Variants in EBF1 observed in about 807,000 individuals in gnomAD.
EBF1 encodes the protein transcription factor COE1.
A neutral mutation model predicts 68.4 loss-of-function variants in EBF1; 10 were observed. That is an observed-to-expected ratio of 0.15 (90% confidence interval 0.09 to 0.25). The LOEUF is 0.25. Among genes scored for constraint, EBF1 ranks in the 10% least tolerant of loss-of-function variants. The pLI, the probability that EBF1 is intolerant of heterozygous loss-of-function variation, is 1.00. For missense variants in EBF1, 509 were observed against 794.4 expected, an observed-to-expected ratio of 0.64 and a Z score of 4.32; for synonymous variants, 298 against 299.8, an observed-to-expected ratio of 0.99 and a Z score of 0.06.
chr5:159,091,896 G>A (rs1342105601), intron 4 of EBF1, among the ~76,000 whole-genome samples: 1 of 152,102 alleles, frequency 6.6e-6, no homozygotes, highest in African/African-American at 2.4e-5. Flanking sequence ...ACGATTTCCT[G>A]CTTCTCAAGC....
chr5:158,918,905 G>C (rs1394913250), intron 6 of EBF1, among the ~76,000 whole-genome samples: 1 of 152,246 alleles, frequency 6.6e-6, no homozygotes, highest in African/African-American at 2.4e-5. Context: ...TTTAGGTTAA[G>C]GGAGGGCTTA....
intron 6 of EBF1, among the ~76,000 whole-genome samples, chr5:158,948,516 G>T (rs928261847): frequency 1.3e-5 from 2 of 152,186 alleles, no homozygotes; most frequent in Non-Finnish European, 2.9e-5. Context: ...CTGGGATTAA[G>T]CATGGCCTAG....
intron 6 of EBF1, among the ~76,000 whole-genome samples, chr5:158,908,859 C>T (rs1805250003): frequency 6.6e-6 from 1 of 152,296 alleles, no homozygotes; most frequent in South Asian, 2.1e-4. Context: ...GCCTTCCTCC[C>T]CTTGAATAAA....
chr5:158,920,475 T>G (rs1808165931), intron 6 of EBF1, among the ~76,000 whole-genome samples: 1 of 152,258 alleles, frequency 6.6e-6, no homozygotes, highest in Non-Finnish European at 1.5e-5. Context: ...ACCTCTGCTT[T>G]GTACCTACTG....
intron 8 of EBF1, among the ~76,000 whole-genome samples, chr5:158,802,450 C>T (rs1244312616): frequency 6.6e-6 from 1 of 152,056 alleles, no homozygotes; most frequent in South Asian, 2.1e-4. Context: ...ATTCCCATTA[C>T]ATATGGTGTA....
intron 6 of EBF1, among the ~76,000 whole-genome samples, chr5:159,053,603 TCTCACA>T (rs921380681): frequency 1.4e-5 from 2 of 145,252 alleles, no homozygotes; most frequent in African/African-American, 2.7e-5. Context: ...TCTCTCTCTC[TCTCACA>T]CACACACACA....
In EBF1 at chr5:158,789,312, A is replaced by G. The variant is rs368891452; in HGVS notation, c.909+7033T>C. ...CTCAATATATGTAAAATAAATGGAC[A>G]CAACTATTTACATTGTATTACATTT... On this transcript the variant is annotated intron_variant, in intron 9 of 15. Coordinates refer to ENST00000313708, the MANE Select transcript of EBF1 (RefSeq NM_024007.5). Among the ~76,000 whole-genome samples the G allele has an allele frequency of 1.2e-4, 19 of 152,334 alleles. No homozygotes were observed. The East Asian group carries it at 1.3e-3, about 11-fold the overall frequency.
intron 6 of EBF1, among the ~76,000 whole-genome samples, chr5:159,034,241 A>T (rs1233782805): frequency 6.6e-6 from 1 of 152,214 alleles, no homozygotes; most frequent in Non-Finnish European, 1.5e-5. Context: ...TCAAGAAACA[A>T]AGATACAGGC....
chr5:159,022,202 G>T (rs1766849414), intron 6 of EBF1, among the ~76,000 whole-genome samples: 1 of 152,104 alleles, frequency 6.6e-6, no homozygotes. Flanking sequence ...TCTCTTCAAA[G>T]GATTTATTTT....
chr5:158,835,675 AT>A (rs1366847888), intron 7 of EBF1, among the ~76,000 whole-genome samples: 3 of 151,426 alleles, frequency 2.0e-5, no homozygotes, highest in African/African-American at 4.9e-5. Context: ...ACTATGGACA[AT>A]TTTTTTTTGT....
chr5:158,859,373 AT>A (rs1343190515), intron 6 of EBF1, among the ~76,000 whole-genome samples: 1 of 152,126 alleles, frequency 6.6e-6, no homozygotes, highest in Non-Finnish European at 1.5e-5. Flanking sequence ...CCCTCTCCCC[AT>A]AAGACTTCCC....
intron 10 of EBF1, among the ~76,000 whole-genome samples, chr5:158,737,319 C>A (rs1177207368): frequency 8.3e-6 from 1 of 121,048 alleles, no homozygotes; most frequent in Non-Finnish European, 1.6e-5. Flanking sequence ...AGTCTCGCTC[C>A]GTCGCCCAGG....
intron 6 of EBF1, among the ~76,000 whole-genome samples, chr5:158,998,105 T>C (rs991040375): frequency 3.3e-5 from 5 of 152,192 alleles, no homozygotes; most frequent in African/African-American, 1.2e-4. Context: ...CTTTTTTCCA[T>C]GCTCCCAATG....
intron 6 of EBF1, among the ~76,000 whole-genome samples, chr5:158,938,218 C>T (rs1241933630): frequency 6.6e-6 from 1 of 152,156 alleles, no homozygotes; most frequent in Non-Finnish European, 1.5e-5. Context: ...TTTAACATAG[C>T]CTCTGAATTA....
chr5:158,791,097 G>A (rs1007556771), intron 9 of EBF1, among the ~76,000 whole-genome samples: 10 of 152,054 alleles, frequency 6.6e-5, no homozygotes, highest in African/African-American at 2.4e-4. Flanking sequence ...GAGGCGGGCA[G>A]ATCACGATGT....
chr5:158,975,890 CCATCCTCT>C (rs1756642056), intron 6 of EBF1, among the ~76,000 whole-genome samples: 1 of 152,184 alleles, frequency 6.6e-6, no homozygotes, highest in Non-Finnish European at 1.5e-5. Flanking sequence ...AAGCACGCCC[CCATCCTCT>C]CATTGGAGAT....
At chr5:158,721,477 T>G (rs1761924737) in intron 11 of EBF1, among the ~76,000 whole-genome samples, 2 of 152,170 alleles carry the variant, frequency 1.3e-5, no homozygotes, top group Non-Finnish European at 2.9e-5. Context: ...TGAGTTGCAG[T>G]TAATACCACT....
Position 158,926,222 on chromosome 5 carries a change from A to G in EBF1, c.555-86112T>C, listed in dbSNP as rs75089951. On this transcript the variant is annotated intron_variant, in intron 6 of 15. Coordinates refer to ENST00000313708, the MANE Select transcript of EBF1 (RefSeq NM_024007.5). ...TATGTGTATTTCAACAAGTATACCA[A>G]GCACCCTAGCTCATTTCTATTTAGG... 7.0e-3 allele frequency among the ~76,000 whole-genome samples: 1,066 copies of G among 152,292 alleles called. 12 individuals are homozygous for G. The highest frequency in any genetic ancestry group is 0.025 in the African/African-American group (1,022 of 41,552).
At chr5:158,882,457 TCAACCAGCAAAGGGATAATCCAAGTCC>T (rs1440551706) in intron 6 of EBF1, among the ~76,000 whole-genome samples, 1 of 152,180 alleles carries the variant, frequency 6.6e-6, no homozygotes, top group Non-Finnish European at 1.5e-5. Flanking sequence ...TGCCAGGTAC[TCAACCAGCAAAGGGATAATCCAAGTCC>T]TGGAACATTT....
Sources: allele counts gnomAD v4.1 joint callset (sites outside exome capture counted in the v4.1 genomes callset), GRCh38; gene constraint gnomAD v4.1.1; transcripts MANE v1.5; gene names NCBI Gene and HGNC (gene_info 2026-07-23, HGNC 2026-07-21).